Variants in POU1F1 observed in about 807,000 individuals in gnomAD.
POU1F1 encodes the protein POU class 1 homeobox 1.
A neutral mutation model predicts 32.3 loss-of-function variants in POU1F1; 23 were observed. The ratio of observed to expected loss-of-function variants is 0.71; its 90% CI spans 0.51 to 1.01. The LOEUF (loss-of-function observed/expected upper bound fraction) is 1.01. Among genes scored for constraint, POU1F1 ranks in the 50% least tolerant of loss-of-function variants. The pLI, the probability that POU1F1 is intolerant of heterozygous loss-of-function variation, is 0.00. For missense variants in POU1F1, 323 were observed against 341.6 expected (o/e 0.95, Z 0.43); for synonymous variants, 120 against 115.6 (o/e 1.04, Z -0.25).
At chr3:87,275,772 T>C (rs375540255) in intron 1 of POU1F1, among the ~76,000 whole-genome samples, 22 of 152,262 alleles carry the variant, frequency 1.4e-4, no homozygotes, top group African/African-American at 5.3e-4. Context: ...AATGTCATGT[T>C]ATTTCTTGCT....
At chr3:87,265,335 A>G (rs185839697) in intron 2 of POU1F1, among the ~76,000 whole-genome samples, 20 of 152,234 alleles carry the variant, frequency 1.3e-4, no homozygotes, top group African/African-American at 4.6e-4. Context: ...ATGGTAAAGC[A>G]TTGACTCTAC....
intron 2 of POU1F1, among the ~76,000 whole-genome samples, chr3:87,268,564 G>C (rs1419210538): frequency 1.3e-5 from 2 of 152,156 alleles, no homozygotes; most frequent in African/African-American, 4.8e-5. Context: ...GGGGAGTGTG[G>C]AGAGTGATTG....
Position 87,261,351 on chromosome 3 carries a change from G to T in POU1F1, c.605-18C>A. On this transcript the variant is annotated intron_variant, in intron 4 of 5. Coordinates refer to ENST00000350375, the MANE Select transcript of POU1F1 (RefSeq NM_000306.4). The stretch of plus-strand genomic sequence containing the variant: ...GTACAAAGCTATAATGTGGAAAAGA[G>T]AGATAATTACAAACACAAAGTAGAC... The T allele has an allele frequency of 6.4e-7, 1 of 1,561,400 alleles. No homozygotes were observed. The highest frequency in any genetic ancestry group is 1.1e-5 in the South Asian group (1 of 88,046).
At chr3:87,268,675 G>C (rs1173646979) in intron 2 of POU1F1, among the ~76,000 whole-genome samples, 1 of 152,172 alleles carries the variant, frequency 6.6e-6, no homozygotes, top group East Asian at 1.9e-4. Flanking sequence ...ATGTGTGACA[G>C]AGGTCTCATC....
At chr3:87,273,925 T>G (rs1706776734) in intron 1 of POU1F1, among the ~76,000 whole-genome samples, 1 of 152,220 alleles carries the variant, frequency 6.6e-6, no homozygotes, top group South Asian at 2.1e-4. Context: ...TTTTGCTTAT[T>G]TGTCTAACAA....
chr3:87,264,162 C>T, intron 3 of POU1F1, 126 bp downstream of exon 3: 1 of 774,844 alleles, frequency 1.3e-6, no homozygotes, highest in South Asian at 1.6e-5. Flanking sequence ...TAACGACTAA[C>T]TACGTCCACA....
At chr3:87,263,026 G>T (rs1464609495) in intron 3 of POU1F1, among the ~76,000 whole-genome samples, 1 of 152,080 alleles carries the variant, frequency 6.6e-6, no homozygotes, top group African/African-American at 2.4e-5. Context: ...GGTTGCATAT[G>T]ATGCCCATCA....
intron 1 of POU1F1, among the ~76,000 whole-genome samples, chr3:87,275,636 C>T (rs993441350): frequency 6.6e-6 from 1 of 151,966 alleles, no homozygotes; most frequent in African/African-American, 2.4e-5. Context: ...TTGTGTTGAG[C>T]CTGTGAATTC....
intron 3 of POU1F1, among the ~76,000 whole-genome samples, chr3:87,263,631 A>G (rs913026869): frequency 2.6e-5 from 4 of 152,084 alleles, no homozygotes; most frequent in African/African-American, 9.7e-5. Context: ...TTTGCTGCGC[A>G]TATATTTATA....
In POU1F1 at chr3:87,259,966, T is replaced by C; in HGVS notation, c.804A>G (p.Arg268=). ...TCAGACTTGTTTTCACCCGTTTTTC[T>C]CTCTGCCTCCGGTTGCAAAACCAAA... The part of the protein sequence containing the change: ...VRVWFCNRRQ[R]EKRVKTSLNQ... Residue 268 remains arginine, a synonymous_variant, in exon 6 of 6, where the codon AGA becomes AGG. Coordinates refer to ENST00000350375, the MANE Select transcript of POU1F1 (RefSeq NM_000306.4). 1 of 1,614,194 alleles carries C rather than the reference T, an allele frequency of 6.2e-7. No homozygotes were observed. The highest frequency in any genetic ancestry group is 8.5e-7 in the Non-Finnish European group (1 of 1,180,028).
At chr3:87,273,553 A>G (rs1706766590) in intron 1 of POU1F1, 135 bp from the exon 2 acceptor site, 15 of 1,452,342 alleles carry the variant, frequency 1.0e-5, no homozygotes, top group South Asian at 1.3e-5. Context: ...AAAAATACAC[A>G]TTTATGTGGT....
In POU1F1 at chr3:87,269,149, G is replaced by A. The variant is rs115735344; in HGVS notation, c.214+4198C>T. The stretch of plus-strand genomic sequence containing the variant: ...TGTTGCTTAGGCATAAAAATTCAAA[G>A]GAAATTATAAACTTCCACTGTGATC... On this transcript the variant is annotated intron_variant, in intron 2 of 5. Coordinates refer to ENST00000350375, the MANE Select transcript of POU1F1 (RefSeq NM_000306.4). 9.9e-3 allele frequency among the ~76,000 whole-genome samples: 1,500 copies of A among 152,242 alleles called. 11 individuals are homozygous for A. The highest frequency in any genetic ancestry group is 0.013 in the Non-Finnish European group (918 of 68,012).
chr3:87,275,676 T>C (rs1706812999), intron 1 of POU1F1, among the ~76,000 whole-genome samples: 1 of 152,146 alleles, frequency 6.6e-6, no homozygotes, highest in African/African-American at 2.4e-5. Context: ...TAAAAAGTTA[T>C]GTGAGATAAA....
At chr3:87,264,001 C>T (rs908667968) in intron 3 of POU1F1, among the ~76,000 whole-genome samples, 2 of 151,732 alleles carry the variant, frequency 1.3e-5, no homozygotes, top group Non-Finnish European at 2.9e-5. Context: ...AAATGTATGG[C>T]CTATTCAAAA....
At chr3:87,262,475 G>C (rs1706531073) in intron 3 of POU1F1, among the ~76,000 whole-genome samples, 1 of 152,094 alleles carries the variant, frequency 6.6e-6, no homozygotes, top group Non-Finnish European at 1.5e-5. Flanking sequence ...AAAGAATTCA[G>C]ATAGAAACAT....
intron 1 of POU1F1, 146 bp downstream of exon 1, chr3:87,276,175 A>G (rs1027489058): frequency 4.1e-6 from 4 of 985,018 alleles, no homozygotes; most frequent in Non-Finnish European, 6.3e-6. Context: ...CTTTTTAGAT[A>G]TGCTTAATGC....
At chr3:87,273,268 G>A (rs993652665) in intron 2 of POU1F1, 79 bp downstream of exon 2, 2 of 1,400,040 alleles carry the variant, frequency 1.4e-6, no homozygotes, top group Non-Finnish European at 1.0e-6. Context: ...GTCACACTCT[G>A]ATCACAATTC....
At position 87,259,510 on chromosome 3, in the gene POU1F1, G is replaced by A. The variant is rs1362709310; in HGVS notation, c.*384C>T. On this transcript the variant is annotated 3_prime_UTR_variant, in exon 6 of 6. Coordinates refer to ENST00000350375, the MANE Select transcript of POU1F1 (RefSeq NM_000306.4). Reference sequence around the variant, plus strand: ...AATTTTTGAATTGGATATTTCTGGTGATGTGCTTTACATATGTGTCATTAC... The same window carrying A: ...AATTTTTGAATTGGATATTTCTGGTAATGTGCTTTACATATGTGTCATTAC... 5.6e-6 allele frequency: 1 copy of A among 179,808 alleles called. No homozygotes were observed. The highest frequency in any genetic ancestry group is 1.2e-5 in the Non-Finnish European group (1 of 85,622). The allele number at this position is 179,808 out of a possible 1,614,324, so 11.1% of individuals were successfully genotyped here.
chr3:87,259,872 G>A lies in POU1F1; in HGVS notation c.*22C>T. 1.9e-6 allele frequency: 3 copies of A among 1,582,744 alleles called. No homozygotes were observed. Among genetic ancestry groups the A allele is most frequent in the Non-Finnish European group, 1.7e-6 (2 of 1,151,902 alleles). Reference sequence around the variant, plus strand: ...GAAAGGAATGAAACGGGAGAAAAAGGCTATTATACAATAGAAAAATCTTAT... The same window carrying A: ...GAAAGGAATGAAACGGGAGAAAAAGACTATTATACAATAGAAAAATCTTAT... On this transcript the variant is annotated 3_prime_UTR_variant, in exon 6 of 6. Coordinates refer to ENST00000350375, the MANE Select transcript of POU1F1 (RefSeq NM_000306.4).
Sources: allele counts gnomAD v4.1 joint callset (sites outside exome capture counted in the v4.1 genomes callset), GRCh38; gene constraint gnomAD v4.1.1; transcripts MANE v1.5; gene names NCBI Gene and HGNC (gene_info 2026-07-23, HGNC 2026-07-21).